The following SMPX variants were observed in gnomAD, a reference collection of about 807,000 sequenced individuals.
SMPX encodes the protein small muscular protein.
In SMPX, 2 loss-of-function variants were observed where a neutral mutation model predicts 6.3. That is an observed-to-expected ratio of 0.32 (90% CI 0.13 to 0.99). The LOEUF is 0.99. SMPX is among the 50% of genes least tolerant of loss of function. The pLI is 0.49. For synonymous variants in SMPX, 32 were observed against 24.7 expected, an observed-to-expected ratio of 1.30 and a Z score of -0.88; for missense variants, 60 against 66.8, an observed-to-expected ratio of 0.90 and a Z score of 0.36.
intron 1 of SMPX, among the ~76,000 whole-genome samples, chrX:21,754,838 C>A (rs1156853680): frequency 8.9e-6 from 1 of 112,246 alleles, no homozygotes; most frequent in African/African-American, 3.2e-5. Context: ...TTCTGCCCAG[C>A]AACCTGGGAG....
chrX:21,748,145 CCTA>C (rs1203536621), intron 2 of SMPX, among the ~76,000 whole-genome samples: 11 of 111,624 alleles, frequency 9.9e-5, no homozygotes, highest in Non-Finnish European at 2.1e-4. Flanking sequence ...CACATATCTA[CCTA>C]CTACAATATA....
At chrX:21,736,483 C>T (rs952006299) in intron 4 of SMPX, among the ~76,000 whole-genome samples, 18 of 112,351 alleles carry the variant, frequency 1.6e-4, no homozygotes, top group Non-Finnish European at 2.6e-4. Flanking sequence ...CTCTAAGACT[C>T]ATCTCAAAAA....
intron 4 of SMPX, among the ~76,000 whole-genome samples, chrX:21,707,270 TG>T (rs1342503228): frequency 9.0e-6 from 1 of 111,271 alleles, no homozygotes; most frequent in Non-Finnish European, 1.9e-5. Flanking sequence ...TCATGAGATA[TG>T]TTAGGGACAG....
chrX:21,715,322 T>A (rs376355773), intron 4 of SMPX, among the ~76,000 whole-genome samples: 51 of 99,046 alleles, frequency 5.1e-4, no homozygotes, highest in African/African-American at 1.9e-3. Context: ...GCGCGCGCGC[T>A]CGCGCGCTGG....
intron 4 of SMPX, among the ~76,000 whole-genome samples, chrX:21,708,719 C>T (rs1476307361): frequency 8.9e-6 from 1 of 111,968 alleles, no homozygotes; most frequent in Non-Finnish European, 1.9e-5. Context: ...CTTGTATTTC[C>T]CCAGCATTTT....
intron 4 of SMPX, among the ~76,000 whole-genome samples, chrX:21,722,161 T>TA (rs981262015): frequency 2.2e-4 from 24 of 110,616 alleles, no homozygotes; most frequent in Non-Finnish European, 3.6e-4. Context: ...GCCCTGTCTC[T>TA]AAAAAAAATA....
At chrX:21,745,914 A>T (rs977352076) in intron 2 of SMPX, among the ~76,000 whole-genome samples, 26 of 111,934 alleles carry the variant, frequency 2.3e-4, no homozygotes, top group African/African-American at 7.8e-4. Flanking sequence ...TAATATTGTG[A>T]AGGGCATGTT....
intron 4 of SMPX, among the ~76,000 whole-genome samples, chrX:21,712,817 T>C (rs1236130944): frequency 8.9e-6 from 1 of 112,476 alleles, no homozygotes; most frequent in Admixed American, 9.4e-5. Context: ...TCTTTCTATA[T>C]TGTTTATGCC....
chrX:21,736,330 C>T (rs749795276), intron 4 of SMPX, among the ~76,000 whole-genome samples: 3 of 111,550 alleles, frequency 2.7e-5, no homozygotes, highest in Non-Finnish European at 3.8e-5. Context: ...AGATTTCACC[C>T]CAACACCAAC....
At chrX:21,710,555 A>G (rs1389596887) in intron 4 of SMPX, among the ~76,000 whole-genome samples, 2 of 112,290 alleles carry the variant, frequency 1.8e-5, no homozygotes, top group Non-Finnish European at 3.8e-5. Context: ...CTATGAAAAT[A>G]AAATTTTTTT....
intron 4 of SMPX, among the ~76,000 whole-genome samples, chrX:21,720,794 C>A (rs2092790864): frequency 8.9e-6 from 1 of 112,344 alleles, no homozygotes; most frequent in South Asian, 3.7e-4. Flanking sequence ...GCTGGCTGAC[C>A]TTGAACCAAA....
intron 1 of SMPX, among the ~76,000 whole-genome samples, chrX:21,755,313 C>G (rs757986973): frequency 1.8e-5 from 2 of 112,901 alleles, no homozygotes; most frequent in South Asian, 7.2e-4. Context: ...AGTGGTGTGT[C>G]CACTGGTGAG....
intron 4 of SMPX, among the ~76,000 whole-genome samples, chrX:21,716,824 AAG>A (rs2092785677): frequency 8.9e-6 from 1 of 112,035 alleles, no homozygotes; most frequent in Admixed American, 9.4e-5. Context: ...GGAAAGAAAG[AAG>A]AGAGATTTGA....
chrX:21,724,551 C>T (rs1205230120), intron 4 of SMPX, among the ~76,000 whole-genome samples: 2 of 111,926 alleles, frequency 1.8e-5, no homozygotes, highest in African/African-American at 6.5e-5. Context: ...GACAAAAGTC[C>T]TTCTGGGTAT....
At chrX:21,752,584 C>T (rs1276713152) in intron 2 of SMPX, among the ~76,000 whole-genome samples, 1 of 110,994 alleles carries the variant, frequency 9.0e-6, no homozygotes. Context: ...GTGACGCAAT[C>T]TTGGCTCACA....
intron 2 of SMPX, among the ~76,000 whole-genome samples, chrX:21,749,345 T>C (rs1164990858): frequency 2.7e-5 from 3 of 112,516 alleles, no homozygotes; most frequent in Non-Finnish European, 5.6e-5. Flanking sequence ...ACTCTTAAGG[T>C]GACTTTAATC....
intron 2 of SMPX, among the ~76,000 whole-genome samples, chrX:21,753,424 T>C (rs923211753): frequency 2.7e-5 from 3 of 111,492 alleles, no homozygotes; most frequent in Admixed American, 1.9e-4. Flanking sequence ...GTTGTGATGG[T>C]GCATCAGGCC....
chrX:21,754,420 C>G (rs1286939562), intron 1 of SMPX, 118 bp from the exon 2 acceptor site: 2 of 603,371 alleles, frequency 3.3e-6, no homozygotes, highest in Admixed American at 4.6e-5. Context: ...GCCATATATT[C>G]TTTCAGTCTC....
chrX:21,745,388 A>AAG (rs2092820333), intron 2 of SMPX, among the ~76,000 whole-genome samples: 1 of 111,770 alleles, frequency 8.9e-6, no homozygotes, highest in Non-Finnish European at 1.9e-5. Context: ...ATATGGAGCC[A>AAG]TACTTCATGA....
Sources: allele counts gnomAD v4.1 joint callset (sites outside exome capture counted in the v4.1 genomes callset), GRCh38; gene constraint gnomAD v4.1.1; transcripts MANE v1.5; gene names NCBI Gene and HGNC (gene_info 2026-07-23, HGNC 2026-07-21).